INPP5A: variants seen among roughly 807,000 people sequenced by gnomAD.
INPP5A encodes inositol polyphosphate-5-phosphatase A.
Under a neutral mutation model 65.2 loss-of-function variants are expected in INPP5A, and 14 were observed. That is an observed-to-expected ratio of 0.21 (90% CI 0.14 to 0.34). The LOEUF (loss-of-function observed/expected upper bound fraction) is 0.34, where lower values mean the gene tolerates loss of function less well. INPP5A is among the 10% of genes least tolerant of loss of function. INPP5A has a pLI of 1.00. For synonymous variants in INPP5A, 207 were observed against 208.3 expected (o/e 0.99, Z 0.05); for missense variants, 431 against 545.6 (o/e 0.79, Z 2.09).
rs533484963 is a variant in INPP5A, at chr10:132,569,347, TGTTA to T, written c.75+31180_75+31183del. On this transcript the variant is annotated intron_variant, in intron 1 of 15. Transcript: ENST00000368594. ...TGTTTCTGCATTTTGCTTGTTTTTTTGTTAGTTTGTTTTTGGTTTCTTTGAGACA... is the reference window on the plus strand; with the variant it reads ...TGTTTCTGCATTTTGCTTGTTTTTTTGTTTGTTTTTGGTTTCTTTGAGACA... Among the ~76,000 whole-genome samples, 57 of 151,302 alleles carry T rather than the reference TGTTA, an allele frequency of 3.8e-4. 1 individual carries two copies. The Middle Eastern group carries it at 0.01, about 27-fold the overall frequency.
intron 1 of INPP5A, among the ~76,000 whole-genome samples, chr10:132,557,395 T>C (rs1281985804): frequency 6.6e-6 from 1 of 152,254 alleles, no homozygotes; most frequent in East Asian, 1.9e-4. Context: ...ACCTGCGCAG[T>C]GTCACCGTGC....
chr10:132,755,578 G>A (rs766504890), intron 11 of INPP5A, among the ~76,000 whole-genome samples: 21 of 151,180 alleles, frequency 1.4e-4, no homozygotes, highest in Admixed American at 2.6e-4. Context: ...AGGTGTGAGC[G>A]AGTGTGTGTG....
At chr10:132,652,050 T>TGCCCCTTGGTCCCTCCTCCCTAC (rs2072584899) in intron 4 of INPP5A, among the ~76,000 whole-genome samples, 1 of 151,596 alleles carries the variant, frequency 6.6e-6, no homozygotes. Flanking sequence ...CTCCTCCCTC[T>TGCCCCTTGGTCCCTCCTCCCTAC]CCCCCTTGGT....
intron 6 of INPP5A, among the ~76,000 whole-genome samples, chr10:132,703,888 CCA>C (rs1190429003): frequency 6.5e-5 from 7 of 106,984 alleles, no homozygotes; most frequent in African/African-American, 2.7e-4. Flanking sequence ...GCTTCACCCC[CCA>C]CACACACACG....
chr10:132,574,334 G>A (rs184383912), intron 1 of INPP5A, among the ~76,000 whole-genome samples: 1 of 146,948 alleles, frequency 6.8e-6, no homozygotes, highest in South Asian at 2.2e-4. Context: ...GCCGTGGGAG[G>A]TTTTGTTGAG....
intron 12 of INPP5A, among the ~76,000 whole-genome samples, chr10:132,771,156 C>T (rs746528854): frequency 9.9e-5 from 15 of 152,142 alleles, no homozygotes; most frequent in East Asian, 3.9e-4. Flanking sequence ...CTTTAGCTGA[C>T]GACTCAGATG....
At chr10:132,577,434 C>T (rs575873598) in intron 1 of INPP5A, among the ~76,000 whole-genome samples, 151 of 152,292 alleles carry the variant, frequency 9.9e-4, no homozygotes, top group African/African-American at 3.4e-3. Context: ...TTTGTTCACA[C>T]GTTTATCTCG....
chr10:132,694,028 G>A (rs952172680), intron 5 of INPP5A, among the ~76,000 whole-genome samples: 3 of 152,152 alleles, frequency 2.0e-5, no homozygotes, highest in African/African-American at 7.2e-5. Context: ...CAAACAAATT[G>A]ATCTAATTGA....
intron 11 of INPP5A, among the ~76,000 whole-genome samples, chr10:132,758,560 G>C (rs936595010): frequency 6.6e-5 from 10 of 150,660 alleles, no homozygotes; most frequent in African/African-American, 9.8e-5. Context: ...TGACCCTATG[G>C]GCCAGTGCAA....
At chr10:132,699,399 A>G (rs1845400905) in intron 6 of INPP5A, among the ~76,000 whole-genome samples, 1 of 151,814 alleles carries the variant, frequency 6.6e-6, no homozygotes, top group Non-Finnish European at 1.5e-5. Context: ...AGGCGCTGCC[A>G]CCTGATGGCA....
rs746557381 is a variant in INPP5A at position 132,781,988 on chromosome 10, C to T, written c.*7+40C>T. On this transcript the variant is annotated intron_variant, in intron 15 of 15. Coordinates refer to ENST00000368594, the MANE Select transcript of INPP5A (RefSeq NM_005539.5). ...TCCCTCCAGTTCAGCTTTTACGCAG[C>T]TTTTCCTGGTGCGTTTGTTCCTTTA... 109 of 1,612,418 alleles carry T rather than the reference C, an allele frequency of 6.8e-5. 1 individual carries two copies. The South Asian group carries it at 1.2e-3, about 17-fold the overall frequency.
chr10:132,752,648 A>G (rs12252914), intron 11 of INPP5A, among the ~76,000 whole-genome samples: 247 of 27,952 alleles, frequency 8.8e-3, no homozygotes, highest in Middle Eastern at 0.045. Context: ...GCATGGAGGG[A>G]CACGGGGCGT....
At chr10:132,660,056 A>G (rs1310417572) in intron 4 of INPP5A, among the ~76,000 whole-genome samples, 3 of 152,264 alleles carry the variant, frequency 2.0e-5, no homozygotes, top group African/African-American at 7.2e-5. Context: ...CGCGTGGCCC[A>G]CGGCACGTTC....
chr10:132,602,153 C>A (rs540284406), intron 1 of INPP5A, among the ~76,000 whole-genome samples: 1 of 152,300 alleles, frequency 6.6e-6, no homozygotes, highest in Non-Finnish European at 1.5e-5. Context: ...TTTCAGTGTT[C>A]AAGTCTTGCC....
chr10:132,583,734 C>T (rs551078770), intron 1 of INPP5A, among the ~76,000 whole-genome samples: 3 of 152,230 alleles, frequency 2.0e-5, no homozygotes, highest in Admixed American at 1.3e-4. Context: ...TTTAGTTAAA[C>T]GAAACTAGTG....
chr10:132,775,956 TGTGTGTCCGGGGGGCAGTGGAC>T (rs879477351), intron 12 of INPP5A, among the ~76,000 whole-genome samples: 39 of 152,240 alleles, frequency 2.6e-4, no homozygotes, highest in Non-Finnish European at 4.6e-4. Flanking sequence ...GCTGTGTGCA[TGTGTGTCCGGGGGGCAGTGGAC>T]GTGTGTGCGG....
chr10:132,760,887 A>C (rs1846721170), intron 11 of INPP5A, among the ~76,000 whole-genome samples: 1 of 152,242 alleles, frequency 6.6e-6, no homozygotes, highest in Non-Finnish European at 1.5e-5. Context: ...ATCTCGGGAC[A>C]CAGCAGGCAG....
chr10:132,560,934 T>G (rs988606555), intron 1 of INPP5A, among the ~76,000 whole-genome samples: 1 of 152,062 alleles, frequency 6.6e-6, no homozygotes, highest in Non-Finnish European at 1.5e-5. Context: ...TTGTTGAGTT[T>G]AAAGAGATCT....
chr10:132,658,399 G>A lies in INPP5A; in HGVS notation c.306+7894G>A, dbSNP rs141786768. Among the ~76,000 whole-genome samples the A allele has an allele frequency of 4.8e-3, 735 of 152,262 alleles. 5 individuals carry two copies. The highest frequency in any genetic ancestry group is 0.017 in the African/African-American group (698 of 41,534). The stretch of plus-strand genomic sequence containing the variant: ...GATTGATGTTTGACTCCATAAGCCT[G>A]CTTTATTTAGGACCTTCCATCATAA... On this transcript the variant is annotated intron_variant, in intron 4 of 15. Coordinates refer to ENST00000368594, the MANE Select transcript of INPP5A (RefSeq NM_005539.5).
Sources: gnomAD v4.1 joint callset for allele counts (sites outside exome capture counted in the v4.1 genomes callset) on GRCh38, gnomAD v4.1.1 for gene constraint, MANE v1.5 for transcripts, NCBI Gene and HGNC (gene_info 2026-07-23, HGNC 2026-07-21) for gene names.